The following TMEM232 variants were observed in gnomAD, a reference collection of about 807,000 sequenced individuals.
TMEM232 encodes transmembrane protein 232.
Under a neutral mutation model 78.8 loss-of-function variants are expected in TMEM232, and 80 were observed. That is an observed-to-expected ratio of 1.01 (90% CI 0.85 to 1.22). The LOEUF (loss-of-function observed/expected upper bound fraction) is 1.22. TMEM232 is among the 50% of genes most tolerant of loss of function. The pLI is 0.00. For missense variants in TMEM232, 881 were observed against 742.2 expected (o/e 1.19, Z -2.17); for synonymous variants, 297 against 254.3 (o/e 1.17, Z -1.60).
intron 12 of TMEM232, among the ~76,000 whole-genome samples, chr5:110,502,999 T>C (rs962236864): frequency 6.6e-6 from 1 of 152,230 alleles, no homozygotes; most frequent in Non-Finnish European, 1.5e-5. Context: ...ATCTGTTACC[T>C]TTTTTAGGTT....
chr5:110,580,782 A>C (rs1778117588), intron 10 of TMEM232, among the ~76,000 whole-genome samples: 1 of 151,518 alleles, frequency 6.6e-6, no homozygotes, highest in Non-Finnish European at 1.5e-5. Context: ...CAGATCACTT[A>C]ATAGGTCACA....
intron 2 of TMEM232, among the ~76,000 whole-genome samples, chr5:110,666,170 T>C (rs1394322917): frequency 1.3e-5 from 2 of 152,190 alleles, no homozygotes; most frequent in Non-Finnish European, 2.9e-5. Flanking sequence ...TTTTGAAATT[T>C]GTTTAAATGC....
Position 110,601,412 on chromosome 5 carries a change from C to G in TMEM232, c.1276+3697G>C, listed in dbSNP as rs1035785635. 3.3e-5 allele frequency among the ~76,000 whole-genome samples: 5 copies of G among 152,264 alleles called. No homozygotes were observed. The East Asian group carries it at 9.7e-4, about 29-fold the overall frequency. ...GCATATTTAGAAAACCCCACTGGCT[C>G]AGCCCAAAAACTCCTCAAGCTGATA... On this transcript the variant is annotated intron_variant, in intron 10 of 13. Transcript: ENST00000455884.
intron 1 of TMEM232, among the ~76,000 whole-genome samples, chr5:110,690,454 C>T (rs1793980531): frequency 6.6e-6 from 1 of 152,084 alleles, no homozygotes; most frequent in South Asian, 2.1e-4. Flanking sequence ...GAATGGCGAT[C>T]ATTAAAAAGT....
At position 110,614,632 on chromosome 5, in the gene TMEM232, T is replaced by C. The variant is rs1782708757; in HGVS notation, c.902+3797A>G. Among the ~76,000 whole-genome samples, 4 of 152,116 alleles carry C rather than the reference T, an allele frequency of 2.6e-5. No homozygotes were observed. The South Asian group carries it at 8.3e-4, about 31-fold the overall frequency. ...TGTTTCTGCAATCATTTATACTTTTTATCTGGTAATTATTAGAGTACTTTT... is the reference window on the plus strand; with the variant it reads ...TGTTTCTGCAATCATTTATACTTTTCATCTGGTAATTATTAGAGTACTTTT... On this transcript the variant is annotated intron_variant, in intron 8 of 13. Transcript: ENST00000455884.
chr5:110,598,397 T>A (rs567395237), intron 10 of TMEM232, among the ~76,000 whole-genome samples: 1 of 152,244 alleles, frequency 6.6e-6, no homozygotes, highest in East Asian at 1.9e-4. Context: ...ATAGGAACGC[T>A]TTTACACTGT....
At chr5:110,571,864 T>C (rs1405763127) in intron 10 of TMEM232, among the ~76,000 whole-genome samples, 3 of 151,934 alleles carry the variant, frequency 2.0e-5, no homozygotes, top group Non-Finnish European at 4.4e-5. Flanking sequence ...GGGGATCAGA[T>C]TAAATCGTAG....
At chr5:110,521,251 A>G (rs1561616050) in intron 12 of TMEM232, among the ~76,000 whole-genome samples, 1 of 152,164 alleles carries the variant, frequency 6.6e-6, no homozygotes, top group Non-Finnish European at 1.5e-5. Flanking sequence ...CTTACTGCCA[A>G]TTGTATGTCT....
At chr5:110,615,912 A>G (rs1782866317) in intron 8 of TMEM232, among the ~76,000 whole-genome samples, 1 of 151,988 alleles carries the variant, frequency 6.6e-6, no homozygotes, top group Admixed American at 6.6e-5. Flanking sequence ...CAAAAAATAA[A>G]AAAAATAAAG....
downstream of TMEM232, among the ~76,000 whole-genome samples, chr5:110,414,823 A>G (rs2112587820): frequency 6.6e-6 from 1 of 152,164 alleles, no homozygotes; most frequent in South Asian, 2.1e-4. Flanking sequence ...AATCTTCCCA[A>G]TGTTCACTTA....
At position 110,542,206 on chromosome 5, in the gene TMEM232, G is replaced by T. The variant is rs1211750286; in HGVS notation, c.1456-13371C>A. On this transcript the variant is annotated intron_variant, in intron 11 of 13. Coordinates refer to ENST00000455884, the MANE Select transcript of TMEM232 (RefSeq NM_001039763.4). ...CCCACCAACTTTCCTTGGTGTCTTT[G>T]TTGCATAGTTACTGTAGGCTGGATA... Among the ~76,000 whole-genome samples, 3 of 152,090 alleles carry T rather than the reference G, an allele frequency of 2.0e-5. No individual in the cohort carries two copies. In the East Asian group the frequency reaches 5.8e-4, roughly 29 times the overall value.
At position 110,658,557 on chromosome 5, in the gene TMEM232, A is replaced by T. The variant is rs189109059; in HGVS notation, c.125+8671T>A. ...GAAGGCTGAAAATATTTTCAAGAAT[A>T]AAAACCTACTTCCTTTTCTAAATGA... On this transcript the variant is annotated intron_variant, in intron 2 of 13. Coordinates refer to ENST00000455884, the MANE Select transcript of TMEM232 (RefSeq NM_001039763.4). Among the ~76,000 whole-genome samples, 7 of 152,322 alleles carry T rather than the reference A, an allele frequency of 4.6e-5. No homozygotes were observed. In the East Asian group the frequency reaches 1.4e-3, roughly 29 times the overall value.
intron 2 of TMEM232, among the ~76,000 whole-genome samples, chr5:110,664,195 T>C (rs747844406): frequency 3.3e-5 from 5 of 152,094 alleles, no homozygotes; most frequent in Non-Finnish European, 7.4e-5. Context: ...AGGAGAAATA[T>C]GCAATGATTT....
intron 13 of TMEM232, among the ~76,000 whole-genome samples, chr5:110,421,543 T>C (rs188753126): frequency 6.6e-6 from 1 of 152,006 alleles, no homozygotes; most frequent in African/African-American, 2.4e-5. Context: ...TGACTCCTAG[T>C]ATGCAATATT....
In TMEM232 at chr5:110,420,591, C is replaced by G; in HGVS notation, c.1963G>C (p.Glu655Gln). ...TKPYELPYRK[E>Q]VI ...ATTTTCTTTTCTAATTAAATTACTT[C>G]CTTCCTATAAGGAAGTTCATAGGGC... Residue 655 changes from glutamate (E) to glutamine (Q), a missense_variant, in exon 14 of 14, where the codon GAA becomes CAA. Transcript: ENST00000455884. 6.8e-7 allele frequency: 1 copy of G among 1,460,514 alleles called. No individual in the cohort carries two copies. The highest frequency in any genetic ancestry group is 8.9e-7 in the Non-Finnish European group (1 of 1,120,926). The allele number at this position is 1,460,514 out of a possible 1,614,324, so 90.5% of individuals were successfully genotyped here.
chr5:110,636,668 C>T (rs1413703167), intron 5 of TMEM232, among the ~76,000 whole-genome samples: 2 of 152,000 alleles, frequency 1.3e-5, no homozygotes, highest in Non-Finnish European at 2.9e-5. Flanking sequence ...ACTCTCTCTG[C>T]TTAGACTTTG....
chr5:110,536,645 C>CT (rs1186875434), intron 11 of TMEM232, among the ~76,000 whole-genome samples: 1 of 152,174 alleles, frequency 6.6e-6, no homozygotes, highest in African/African-American at 2.4e-5. Flanking sequence ...AAATTCTTCT[C>CT]TTCCCCTACT....
At chr5:110,399,420 T>C (rs74555303) in intron 2 of TMEM232, among the ~76,000 whole-genome samples, 2,950 of 152,296 alleles carry the variant, frequency 0.019, 46 homozygotes, top group Non-Finnish European at 0.031. Context: ...CAAAAACTTT[T>C]AACCCAGAGA....
At chr5:110,642,501 C>T in intron 2 of TMEM232, 130 bp from the exon 3 acceptor site, 1 of 615,464 alleles carries the variant, frequency 1.6e-6, no homozygotes. Context: ...AACTGTTTCA[C>T]ACAAAAAAAA....
Sources: gnomAD v4.1 joint callset for allele counts (sites outside exome capture counted in the v4.1 genomes callset) on GRCh38, gnomAD v4.1.1 for gene constraint, MANE v1.5 for transcripts, NCBI Gene and HGNC (gene_info 2026-07-23, HGNC 2026-07-21) for gene names.